KIF26B: variants seen among roughly 807,000 people sequenced by gnomAD.
The protein encoded by KIF26B is kinesin family member 26B.
A neutral mutation model predicts 151.2 loss-of-function variants in KIF26B; 63 were observed. The observed-to-expected ratio is 0.42, with a 90% CI of 0.34 to 0.51. The LOEUF is 0.51. Among genes scored for constraint, KIF26B ranks in the 20% least tolerant of loss-of-function variants. The pLI, the probability that KIF26B is intolerant of heterozygous loss-of-function variation, is 0.07. For synonymous variants in KIF26B, 1,357 were observed against 1,262.1 expected, an observed-to-expected ratio of 1.08 and a Z score of -1.59; for missense variants, 2,813 against 2,913.6, an observed-to-expected ratio of 0.97 and a Z score of 0.79.
intron 5 of KIF26B, among the ~76,000 whole-genome samples, chr1:245,557,027 T>C (rs1662056619): frequency 1.3e-5 from 2 of 152,188 alleles, no homozygotes; most frequent in Admixed American, 1.3e-4. Flanking sequence ...AACATCTGTC[T>C]CCATCTGTGC....
intron 2 of KIF26B, among the ~76,000 whole-genome samples, chr1:245,208,300 A>C (rs1669446233): frequency 6.6e-6 from 1 of 152,222 alleles, no homozygotes; most frequent in Non-Finnish European, 1.5e-5. Context: ...GTCCCACTTA[A>C]CAGCCAATTC....
Position 245,606,493 on chromosome 1 carries a change from C to G in KIF26B, c.1558-1158C>G, listed in dbSNP as rs569356742. ...CTATCTTTCTGCTTCTGTGACAAGT[C>G]TCAGGTGCTAAACAAAGAGAAGGAC... On this transcript the variant is annotated intron_variant, in intron 6 of 14. Coordinates refer to ENST00000407071, the MANE Select transcript of KIF26B (RefSeq NM_018012.4). This position sits in a 1 kb window ranked among gnomAD's most constrained non-coding sequence, Gnocchi z 4.6. Among the ~76,000 whole-genome samples the G allele has an allele frequency of 6.6e-6, 1 of 152,320 alleles. No homozygotes were observed. Among genetic ancestry groups the G allele is most frequent in the Non-Finnish European group, 1.5e-5 (1 of 68,038 alleles).
At chr1:245,250,556 G>C (rs1670425132) in intron 2 of KIF26B, among the ~76,000 whole-genome samples, 1 of 152,178 alleles carries the variant, frequency 6.6e-6, no homozygotes, top group Admixed American at 6.5e-5. Flanking sequence ...AGCTTAACTA[G>C]ATGTTGCCAG....
Position 245,563,557 on chromosome 1 carries a change from A to C in KIF26B, c.1350+22607A>C, listed in dbSNP as rs1255476589. Among the ~76,000 whole-genome samples the C allele has an allele frequency of 6.6e-6, 1 of 152,142 alleles. No homozygotes were observed. The highest frequency in any genetic ancestry group is 1.5e-5 in the Non-Finnish European group (1 of 68,032). Reference sequence around the variant, plus strand: ...TCTGCCTTCTTAATGGCCACTTCTCAAACACATGGCTGACAGATTCCGGAG... The same window carrying C: ...TCTGCCTTCTTAATGGCCACTTCTCCAACACATGGCTGACAGATTCCGGAG... On this transcript the variant is annotated intron_variant, in intron 5 of 14. Coordinates refer to ENST00000407071, the MANE Select transcript of KIF26B (RefSeq NM_018012.4). The surrounding 1 kb of genome is among the most constrained non-coding windows in gnomAD (Gnocchi z 4.6).
intron 4 of KIF26B, among the ~76,000 whole-genome samples, chr1:245,506,842 C>T (rs1374972882): frequency 1.3e-5 from 2 of 152,188 alleles, no homozygotes; most frequent in Non-Finnish European, 2.9e-5. Context: ...TTACACTCGG[C>T]TAAATTTTTT....
intron 5 of KIF26B, among the ~76,000 whole-genome samples, chr1:245,551,263 A>G (rs2103109291): frequency 6.6e-6 from 1 of 152,260 alleles, no homozygotes; most frequent in African/African-American, 2.4e-5. Context: ...GGCTGGTCTC[A>G]AACACTTGGG....
In KIF26B at chr1:245,155,352, G is replaced by A. The variant is rs571814392; in HGVS notation, c.-73G>A. ...AGCCAGCCCCCTGCAGCCGGGGGAC[G>A]CTTCTGGGTTGGAGGACCTTCTGGA... On this transcript the variant is annotated 5_prime_UTR_variant, in exon 1 of 15. Transcript: ENST00000407071. The A allele has an allele frequency of 2.5e-4, 316 of 1,268,824 alleles. No homozygotes were observed. Among genetic ancestry groups the A allele is most frequent in the Admixed American group, 6.6e-4 (33 of 49,800 alleles). The allele number at this position is 1,268,824 out of a possible 1,614,324, so 78.6% of individuals were successfully genotyped here. A position where few individuals can be genotyped will look rare whatever the true frequency, so the allele number is the denominator to read the frequency against.
rs150153478 is a variant in KIF26B at position 245,360,883 on chromosome 1, G to C, written c.466-5951G>C. Among the ~76,000 whole-genome samples, 1,390 of 152,190 alleles carry C rather than the reference G, an allele frequency of 9.1e-3. 19 individuals carry two copies. The highest frequency in any genetic ancestry group is 0.04 in the East Asian group (206 of 5,176). ...AAAAAAATTAGCCGGGTGTGGCGGT[G>C]AACGCCTGTAGTCCCATCCACTTGG... On this transcript the variant is annotated intron_variant, in intron 2 of 14. Coordinates refer to ENST00000407071, the MANE Select transcript of KIF26B (RefSeq NM_018012.4).
intron 2 of KIF26B, among the ~76,000 whole-genome samples, chr1:245,357,593 T>C (rs947265228): frequency 6.6e-6 from 1 of 152,202 alleles, no homozygotes; most frequent in African/African-American, 2.4e-5. Flanking sequence ...TTTGGACATA[T>C]GTATCCACCC....
chr1:245,611,811 C>G lies in KIF26B; in HGVS notation c.1933C>G (p.Leu645Val). The change falls in exon 9 of 15, where the codon CTG (leucine) becomes GTG (valine). Residue 645 changes from leucine to valine, a missense_variant. This residue lies in a region of KIF26B where 2,060 missense variants were observed against 2,088.6 expected (regional missense o/e 0.99). Coordinates refer to ENST00000407071, the MANE Select transcript of KIF26B (RefSeq NM_018012.4). ...CTTCCAGCTGCAGAACCAGAGCGAG[C>G]TGCGGGCCCCCACCGCAGAGAAGGC... ...CGTQLQNQSE[L>V]RAPTAEKAAF... The G allele has an allele frequency of 6.2e-7, 1 of 1,613,702 alleles. No individual in the cohort carries two copies. Among genetic ancestry groups the G allele is most frequent in the South Asian group, 1.1e-5 (1 of 91,042 alleles).
At chr1:245,380,674 T>A (rs967797812) in intron 3 of KIF26B, among the ~76,000 whole-genome samples, 1 of 152,014 alleles carries the variant, frequency 6.6e-6, no homozygotes, top group African/African-American at 2.4e-5. Flanking sequence ...CTCCCATGCA[T>A]TTACCCCTGC....
intron 3 of KIF26B, among the ~76,000 whole-genome samples, chr1:245,417,027 G>A (rs1052347970): frequency 2.0e-5 from 3 of 152,166 alleles, no homozygotes; most frequent in Non-Finnish European, 4.4e-5. Flanking sequence ...TAAGGAGGGA[G>A]GGAGTGTGAT....
At chr1:245,481,288 C>T (rs1021578480) in intron 4 of KIF26B, among the ~76,000 whole-genome samples, 1 of 151,884 alleles carries the variant, frequency 6.6e-6, no homozygotes, top group African/African-American at 2.4e-5. Context: ...AGAGAATGCC[C>T]GTAGCCACCA....
chr1:245,164,647 G>A (rs1489305167), intron 2 of KIF26B, among the ~76,000 whole-genome samples: 3 of 152,210 alleles, frequency 2.0e-5, no homozygotes, highest in Non-Finnish European at 2.9e-5. Flanking sequence ...GTATGAGTGC[G>A]TGACAGGCTG....
chr1:245,420,812 G>C (rs1658467921), intron 4 of KIF26B, among the ~76,000 whole-genome samples: 1 of 152,182 alleles, frequency 6.6e-6, no homozygotes, highest in Non-Finnish European at 1.5e-5. Flanking sequence ...GGCTTTGCTT[G>C]TTATCTTTAT....
chr1:245,197,888 C>T (rs1162627983), intron 2 of KIF26B, among the ~76,000 whole-genome samples: 1 of 152,154 alleles, frequency 6.6e-6, no homozygotes, highest in Non-Finnish European at 1.5e-5. Flanking sequence ...ATTATTAGCA[C>T]TCCCATGCGT....
At chr1:245,593,213 A>G (rs1380364174) in intron 5 of KIF26B, among the ~76,000 whole-genome samples, 4 of 152,152 alleles carry the variant, frequency 2.6e-5, no homozygotes, top group Non-Finnish European at 4.4e-5. Flanking sequence ...GGATACATGT[A>G]TAGAATGTGC....
chr1:245,549,327 T>C (rs1661825348), intron 5 of KIF26B, among the ~76,000 whole-genome samples: 2 of 152,216 alleles, frequency 1.3e-5, no homozygotes, highest in Admixed American at 1.3e-4. Context: ...TAAATGCCAC[T>C]GTCTCAATTA....
intron 10 of KIF26B, among the ~76,000 whole-genome samples, chr1:245,678,467 G>A (rs879589219): frequency 1.3e-5 from 2 of 152,058 alleles, no homozygotes; most frequent in Non-Finnish European, 1.5e-5. Context: ...CAGTGTTCTC[G>A]GCATTTAAAT....
Sources: gnomAD v4.1 joint callset for allele counts (sites outside exome capture counted in the v4.1 genomes callset) on GRCh38, gnomAD v4.1.1 for gene constraint, gnomAD v4.1.1 regional missense constraint, Gnocchi (gnomAD v3.1) non-coding constraint, MANE v1.5 for transcripts, NCBI Gene and HGNC (gene_info 2026-07-23, HGNC 2026-07-21) for gene names.